Variants in ADNP2 observed in about 807,000 individuals in gnomAD.
ADNP2 encodes the protein ADNP homeobox 2, also known as activity-dependent neuroprotector homeobox protein 2.
In ADNP2, 8 loss-of-function variants were observed where a neutral mutation model predicts 16.4. The observed-to-expected ratio is 0.49, with a 90% CI of 0.29 to 0.88. ADNP2 has a LOEUF of 0.88. ADNP2 is among the 40% of genes least tolerant of loss of function. ADNP2 has a pLI of 0.09. For missense variants in ADNP2, 1,397 were observed against 1,395.1 expected (o/e 1.00, Z -0.02); for synonymous variants, 637 against 545.8 (o/e 1.17, Z -2.33).
chr18:80,138,574 A>G lies in ADNP2; in HGVS notation c.3161A>G (p.Lys1054Arg), dbSNP rs1295527870. Residue 1054 changes from lysine to arginine, a missense_variant, in exon 4 of 4, where the codon AAG becomes AGG. Coordinates refer to ENST00000262198, the MANE Select transcript of ADNP2 (RefSeq NM_014913.4). ...KKYEGRSYEE[K>R]KQFLKDYFHK... is the part of the protein sequence containing the mutation. The stretch of plus-strand genomic sequence containing the variant: ...TATGAAGGCCGTTCTTATGAAGAAA[A>G]GAAGCAATTTCTTAAAGATTATTTC... 1.7e-5 allele frequency: 28 copies of G among 1,609,958 alleles called. No individual in the cohort carries two copies. The Admixed American group carries it at 4.7e-4, about 27-fold the overall frequency.
chr18:80,138,435 C>T lies in ADNP2; in HGVS notation c.3022C>T (p.Pro1008Ser), dbSNP rs148260789. The part of the protein sequence containing the change: ...PILNADAAPG[P>S]EKVTSVVPFK... The stretch of plus-strand genomic sequence containing the variant: ...CCTAAATGCCGATGCAGCCCCGGGT[C>T]CAGAAAAGGTGACGAGTGTTGTGCC... The change falls in exon 4 of 4, where the codon CCA becomes TCA. Residue 1008 changes from proline to serine, a missense_variant. Transcript: ENST00000262198. 8 of 1,613,916 alleles carry T rather than the reference C, an allele frequency of 5.0e-6. No homozygotes were observed. The highest frequency in any genetic ancestry group is 5.9e-6 in the Non-Finnish European group (7 of 1,180,006).
intron 2 of ADNP2, among the ~76,000 whole-genome samples, chr18:80,123,106 TGTG>T (rs1330739688): frequency 2.0e-5 from 3 of 152,168 alleles, no homozygotes; most frequent in Non-Finnish European, 4.4e-5. Flanking sequence ...ATTCTACTAA[TGTG>T]GTGAATTACA....
At chr18:80,134,089 G>T (rs1459066162) in intron 3 of ADNP2, among the ~76,000 whole-genome samples, 1 of 152,138 alleles carries the variant, frequency 6.6e-6, no homozygotes, top group Non-Finnish European at 1.5e-5. Flanking sequence ...TGAGTTGCAA[G>T]TTTCCTTGAA....
chr18:80,117,775 CATT>C, intron 2 of ADNP2, 125 bp downstream of exon 2: 1 of 657,768 alleles, frequency 1.5e-6, no homozygotes, highest in South Asian at 1.9e-5. Flanking sequence ...GTGAAAGCCT[CATT>C]AGTACTTATT....
intron 1 of ADNP2, among the ~76,000 whole-genome samples, chr18:80,112,503 T>C (rs1242701728): frequency 1.3e-5 from 2 of 152,086 alleles, no homozygotes; most frequent in Non-Finnish European, 2.9e-5. Context: ...TGTGCTTGTG[T>C]TTTGTTTTGT....
chr18:80,120,820 A>G (rs1338575743), intron 2 of ADNP2, among the ~76,000 whole-genome samples: 1 of 151,846 alleles, frequency 6.6e-6, no homozygotes, highest in Admixed American at 6.6e-5. Context: ...AAGTCCAACT[A>G]ATTTTTGTAT....
At chr18:80,128,460 G>A (rs1255726358) in intron 2 of ADNP2, among the ~76,000 whole-genome samples, 1 of 152,124 alleles carries the variant, frequency 6.6e-6, no homozygotes, top group Non-Finnish European at 1.5e-5. Context: ...GACCAGCCTG[G>A]CCAACATGGT....
chr18:80,121,787 A>C (rs2052426710), intron 2 of ADNP2, among the ~76,000 whole-genome samples: 1 of 152,178 alleles, frequency 6.6e-6, no homozygotes, highest in Non-Finnish European at 1.5e-5. Context: ...TTTCTTCTAG[A>C]GACTGTTTGT....
chr18:80,124,947 A>G (rs1169514108), intron 2 of ADNP2, among the ~76,000 whole-genome samples: 2 of 152,170 alleles, frequency 1.3e-5, no homozygotes, highest in African/African-American at 4.8e-5. Flanking sequence ...AGGCCCAACT[A>G]CAAGTTAATC....
chr18:80,135,961 T>G lies in ADNP2; in HGVS notation c.548T>G (p.Ile183Ser), dbSNP rs1197984058. The G allele has an allele frequency of 1.9e-6, 3 of 1,614,082 alleles. No individual in the cohort carries two copies. The highest frequency in any genetic ancestry group is 2.5e-6 in the Non-Finnish European group (3 of 1,180,046). Residue 183 changes from isoleucine to serine, a missense_variant, in exon 4 of 4, where the codon ATT (isoleucine) becomes AGT (serine). This residue lies in a region of ADNP2 where 777 missense variants were observed against 719.4 expected (regional missense o/e 1.08). Coordinates refer to ENST00000262198, the MANE Select transcript of ADNP2 (RefSeq NM_014913.4). ...CTGGTAGCCCATTTTCACTACTTAA[T>G]TAACTCCTACTTTGGCCTAAGAACT... is the stretch of plus-strand genomic sequence containing the variant. ...HVLVAHFHYL[I>S]NSYFGLRTEE...
rs2052571836 is a variant in ADNP2 at position 80,140,095 on chromosome 18, CTATCTT to C, written c.*1289_*1294del. 1 of 152,120 alleles carries C rather than the reference CTATCTT, an allele frequency of 6.6e-6. No homozygotes were observed. Among genetic ancestry groups the C allele is most frequent in the Non-Finnish European group, 1.5e-5 (1 of 68,032 alleles). The allele number at this position is 152,120 out of a possible 1,614,324, so 9.4% of individuals were successfully genotyped here. ...TACACAGCAGAGGAACCCCTTCACT[CTATCTT>C]TAGGTAGAAATATTTGGAGGATGTG... On this transcript the variant is annotated 3_prime_UTR_variant, in exon 4 of 4. Coordinates refer to ENST00000262198, the MANE Select transcript of ADNP2 (RefSeq NM_014913.4).
At chr18:80,123,695 G>C (rs1599811066) in intron 2 of ADNP2, among the ~76,000 whole-genome samples, 1 of 151,602 alleles carries the variant, frequency 6.6e-6, no homozygotes, top group East Asian at 1.9e-4. Flanking sequence ...TTTGTGGCGA[G>C]TTTGAGAAAA....
chr18:80,131,659 C>G (rs1369096368), intron 2 of ADNP2, among the ~76,000 whole-genome samples: 1 of 150,676 alleles, frequency 6.6e-6, no homozygotes, highest in Non-Finnish European at 1.5e-5. Context: ...TGTACCAATA[C>G]TATGCAGCCA....
At chr18:80,126,745 A>G (rs1451129390) in intron 2 of ADNP2, among the ~76,000 whole-genome samples, 5 of 152,138 alleles carry the variant, frequency 3.3e-5, no homozygotes, top group Non-Finnish European at 7.3e-5. Flanking sequence ...AGTTCTCATC[A>G]GATTTGGAAA....
intron 2 of ADNP2, among the ~76,000 whole-genome samples, chr18:80,127,178 A>G (rs2052464652): frequency 6.6e-6 from 1 of 152,220 alleles, no homozygotes; most frequent in Non-Finnish European, 1.5e-5. Flanking sequence ...GTATGTCTGT[A>G]TAGGAAAAAA....
intron 3 of ADNP2, 25 bp downstream of exon 3, chr18:80,133,217 T>G (rs781663741): frequency 6.4e-7 from 1 of 1,564,330 alleles, no homozygotes; most frequent in South Asian, 1.1e-5. Flanking sequence ...CATTTGTTTT[T>G]CATGTTTCCT....
chr18:80,127,082 A>G (rs78449797), intron 2 of ADNP2, among the ~76,000 whole-genome samples: 408 of 152,318 alleles, frequency 2.7e-3, no homozygotes, highest in Non-Finnish European at 4.2e-3. Flanking sequence ...TATTGTTACA[A>G]TTGTTCTAGT....
chr18:80,132,465 A>G (rs988777814), intron 2 of ADNP2, among the ~76,000 whole-genome samples: 1 of 152,194 alleles, frequency 6.6e-6, no homozygotes, highest in African/African-American at 2.4e-5. Context: ...TGGTGCCTCC[A>G]GGTGGTTCTG....
chr18:80,126,994 G>A (rs1490285844), intron 2 of ADNP2, among the ~76,000 whole-genome samples: 1 of 152,132 alleles, frequency 6.6e-6, no homozygotes, highest in Non-Finnish European at 1.5e-5. Flanking sequence ...TCGTGTCATC[G>A]CATGCCACCA....
Sources: allele counts gnomAD v4.1 joint callset (sites outside exome capture counted in the v4.1 genomes callset), GRCh38; gene constraint gnomAD v4.1.1; regional missense constraint gnomAD v4.1.1; transcripts MANE v1.5; gene names NCBI Gene and HGNC (gene_info 2026-07-23, HGNC 2026-07-21).